Variants in AFDN observed in about 807,000 individuals in gnomAD.
AFDN encodes afadin.
A neutral mutation model predicts 216.6 loss-of-function variants in AFDN; 68 were observed. The observed-to-expected ratio is 0.31, with a 90% CI of 0.26 to 0.38. The LOEUF is 0.38. Among genes scored for constraint, AFDN ranks in the 10% least tolerant of loss-of-function variants. The pLI is 1.00. For missense variants in AFDN, 2,136 were observed against 2,342.0 expected, an observed-to-expected ratio of 0.91 and a Z score of 1.82; for synonymous variants, 868 against 853.7, an observed-to-expected ratio of 1.02 and a Z score of -0.29.
At chr6:167,899,256 A>G (rs1324521380) in intron 11 of AFDN, among the ~76,000 whole-genome samples, 1 of 152,056 alleles carries the variant, frequency 6.6e-6, no homozygotes, top group Non-Finnish European at 1.5e-5. Context: ...GGGTTATCAC[A>G]TATATTTATT....
At chr6:167,945,723 G>GGT (rs1795186820) in intron 26 of AFDN, among the ~76,000 whole-genome samples, 1 of 152,258 alleles carries the variant, frequency 6.6e-6, no homozygotes, top group South Asian at 2.1e-4. Context: ...GTTCATGACT[G>GGT]TAATTCACTT....
chr6:167,951,866 C>T lies in AFDN; in HGVS notation c.4512C>T (p.Tyr1504=). 6.2e-7 allele frequency: 1 copy of T among 1,614,118 alleles called. No individual in the cohort carries two copies. Among genetic ancestry groups the T allele is most frequent in the African/African-American group, 1.3e-5 (1 of 75,028 alleles). Residue 1504 remains tyrosine (Y), a synonymous_variant, in exon 30 of 34, where the codon TAC becomes TAT. Transcript: ENST00000683244. This position sits in a 1 kb window ranked among gnomAD's most constrained non-coding sequence, Gnocchi z 7.1. ...CGATCGAGCGCAGAGACTTGCAGTA[C>T]ATTACAGTCAGCAAAGAGGAGCTTT... is the stretch of plus-strand genomic sequence containing the variant. ...PRTIERRDLQ[Y]ITVSKEELSS... is the part of the protein sequence containing the mutation.
Position 167,896,964 on chromosome 6 carries a change from T to C in AFDN, c.1309T>C (p.Ser437Pro). 1.2e-6 allele frequency: 2 copies of C among 1,605,012 alleles called. No individual in the cohort carries two copies. The highest frequency in any genetic ancestry group is 1.7e-6 in the Non-Finnish European group (2 of 1,171,816). ...EVGTEKLDDN[S>P]IQLFGPGIQP... ...TGGGACAGAAAAGTTGGATGACAAC[T>C]CTATCCAGGTACGTAGTCTGAGCTT... The change falls in exon 10 of 34, where the codon TCT (serine) becomes CCT (proline). Residue 437 changes from serine to proline, a missense_variant. Coordinates refer to ENST00000683244, the MANE Select transcript of AFDN (RefSeq NM_001386888.1).
At chr6:167,927,635 G>A (rs1462930374) in intron 23 of AFDN, among the ~76,000 whole-genome samples, 4 of 152,174 alleles carry the variant, frequency 2.6e-5, no homozygotes, top group African/African-American at 4.8e-5. Context: ...ATGGGTTGAA[G>A]GTGATGCGTG....
chr6:167,952,203 C>T lies in AFDN; in HGVS notation c.4833+16C>T, dbSNP rs750644668. ...AAGAGCGAGGGTAAAGGGGGGAGTG[C>T]TTTGGCTGTGCCCATCTGTGGTCCC... On this transcript the variant is annotated intron_variant, in intron 30 of 33. Transcript: ENST00000683244. 1 of 1,613,956 alleles carries T rather than the reference C, an allele frequency of 6.2e-7. No homozygotes were observed. The highest frequency in any genetic ancestry group is 8.5e-7 in the Non-Finnish European group (1 of 1,179,950).
chr6:167,942,096 T>G (rs9355145), intron 23 of AFDN, among the ~76,000 whole-genome samples: 44,931 of 152,024 alleles, frequency 0.3, 7,521 homozygotes, highest in East Asian at 0.61. Context: ...GTTTGGTTTG[T>G]TTTTTCCCTG....
intron 15 of AFDN, among the ~76,000 whole-genome samples, chr6:167,912,973 T>C (rs1790594700): frequency 6.6e-6 from 1 of 152,236 alleles, no homozygotes; most frequent in Non-Finnish European, 1.5e-5. Context: ...TGGTCTTTCC[T>C]GTCTCTTCCA....
At chr6:167,963,663 G>A in intron 31 of AFDN, 2 of 1,060,324 alleles carry the variant, frequency 1.9e-6, no homozygotes, top group Non-Finnish European at 2.3e-6. Flanking sequence ...GTAGACCTTT[G>A]CCCTCTAAGT....
At chr6:167,889,417 T>A in intron 7 of AFDN, 91 bp downstream of exon 7, 1 of 891,306 alleles carries the variant, frequency 1.1e-6, no homozygotes, top group Non-Finnish European at 1.8e-6. Flanking sequence ...GATGTGTACG[T>A]TAATGTTTTT....
upstream of AFDN, chr6:167,826,720 G>A (rs1779084853): frequency 9.4e-6 from 4 of 427,222 alleles, no homozygotes; most frequent in Non-Finnish European, 1.9e-5. Flanking sequence ...CAGTCCAGAC[G>A]GAACCCTAGC....
chr6:167,962,399 TTG>T lies in AFDN; in HGVS notation c.4834-31_4834-30del. ...ATTTTATGTCTTGTGCTGGTGGAGT[TTG>T]TGGAGGGAGATTAATGTCAGCCTGT... is the stretch of plus-strand genomic sequence containing the variant. On this transcript the variant is annotated intron_variant, in intron 30 of 33. Coordinates refer to ENST00000683244, the MANE Select transcript of AFDN (RefSeq NM_001386888.1). The surrounding 1 kb of genome is among the most constrained non-coding windows in gnomAD (Gnocchi z 5.2). 6.2e-7 allele frequency: 1 copy of T among 1,611,954 alleles called. No individual in the cohort carries two copies. Among genetic ancestry groups the T allele is most frequent in the Non-Finnish European group, 8.5e-7 (1 of 1,179,232 alleles).
intron 1 of AFDN, among the ~76,000 whole-genome samples, chr6:167,860,561 G>A (rs1783446118): frequency 6.6e-6 from 1 of 152,126 alleles, no homozygotes; most frequent in Non-Finnish European, 1.5e-5. Context: ...TATATATTTT[G>A]TTTAATCCTC....
At chr6:167,892,230 T>G (rs984058202) in intron 8 of AFDN, among the ~76,000 whole-genome samples, 1 of 152,164 alleles carries the variant, frequency 6.6e-6, no homozygotes, top group African/African-American at 2.4e-5. Context: ...AGGAATATAT[T>G]GGTGTTGCTA....
At chr6:167,896,844 T>C (rs1310632732) in intron 9 of AFDN, 34 bp from the exon 10 acceptor site, 7 of 1,330,636 alleles carry the variant, frequency 5.3e-6, no homozygotes, top group Non-Finnish European at 7.6e-6. Context: ...TATTAGACTT[T>C]GCAAATAGAG....
intron 9 of AFDN, 60 bp downstream of exon 9, chr6:167,893,966 A>T: frequency 8.1e-7 from 1 of 1,233,690 alleles, no homozygotes. Flanking sequence ...TCATGGGCAG[A>T]ATAGTGTTGA....
At chr6:167,947,249 G>A (rs542647987) in intron 27 of AFDN, among the ~76,000 whole-genome samples, 7 of 151,094 alleles carry the variant, frequency 4.6e-5, no homozygotes, top group East Asian at 1.9e-4. Flanking sequence ...GCGCGATCTC[G>A]GCTAACTGCA....
chr6:167,969,083 T>C, intron 32 of AFDN, 31 bp from the exon 33 acceptor site: 1 of 1,531,992 alleles, frequency 6.5e-7, no homozygotes, highest in Non-Finnish European at 9.0e-7. Context: ...AATCAGGTAC[T>C]TTAACTTGTA....
intron 26 of AFDN, among the ~76,000 whole-genome samples, chr6:167,944,785 A>G (rs1356490955): frequency 2.6e-5 from 4 of 152,106 alleles, no homozygotes; most frequent in Non-Finnish European, 5.9e-5. Flanking sequence ...TACAGTTAAA[A>G]AAAAAAAAAG....
At chr6:167,871,851 A>G (rs576991554) in intron 3 of AFDN, among the ~76,000 whole-genome samples, 1 of 152,326 alleles carries the variant, frequency 6.6e-6, no homozygotes, top group Non-Finnish European at 1.5e-5. Flanking sequence ...AAGTTACTTT[A>G]TGTAAATTAC....
Sources: allele counts gnomAD v4.1 joint callset (sites outside exome capture counted in the v4.1 genomes callset), GRCh38; gene constraint gnomAD v4.1.1; non-coding constraint Gnocchi (gnomAD v3.1); transcripts MANE v1.5; gene names NCBI Gene and HGNC (gene_info 2026-07-23, HGNC 2026-07-21).